Variants in MAGI2 observed in about 807,000 individuals in gnomAD.
MAGI2 encodes membrane-associated guanylate kinase, WW and PDZ domain-containing protein 2.
A neutral mutation model predicts 133.3 loss-of-function variants in MAGI2; 35 were observed. The observed-to-expected ratio is 0.26, with a 90% CI of 0.20 to 0.35. The LOEUF (loss-of-function observed/expected upper bound fraction) is 0.35. Ranked by LOEUF, MAGI2 falls within the 10% of genes least tolerant of loss-of-function variation. The probability of loss-of-function intolerance (pLI) is 1.00; values close to 1 mark genes in which losing one functional copy is unlikely to be tolerated. For synonymous variants in MAGI2, 729 were observed against 710.6 expected, an observed-to-expected ratio of 1.03 and a Z score of -0.41; for missense variants, 1,636 against 1,863.4, an observed-to-expected ratio of 0.88 and a Z score of 2.25.
At chr7:79,441,698 T>C (rs975884939) in intron 1 of MAGI2, among the ~76,000 whole-genome samples, 6 of 152,116 alleles carry the variant, frequency 3.9e-5, no homozygotes, top group African/African-American at 1.4e-4. Context: ...CTTCACTTTA[T>C]GGCAAAAACT....
rs147578054 is a variant in MAGI2, at chr7:79,343,906, A to T, written c.301+109114T>A. On this transcript the variant is annotated intron_variant, in intron 1 of 21. Transcript: ENST00000354212. ...TACATCCATCCATGTATCTGTATAC[A>T]AGCTTGTCATGCCCGATTAACTTTA... Among the ~76,000 whole-genome samples, 293 of 152,316 alleles carry T rather than the reference A, an allele frequency of 1.9e-3. 1 individual carries two copies. The highest frequency in any genetic ancestry group is 3.1e-3 in the Non-Finnish European group (213 of 68,012).
intron 21 of MAGI2, among the ~76,000 whole-genome samples, chr7:78,070,414 G>GTGTATATATATATGTGTATATATATA (rs1814463484): frequency 2.1e-5 from 3 of 146,124 alleles, no homozygotes; most frequent in Non-Finnish European, 4.5e-5. Flanking sequence ...CTATGTGTGT[G>GTGTATATATATATGTGTATATATATA]TGTATATATA....
At chr7:78,683,726 C>G (rs1385681696) in intron 2 of MAGI2, among the ~76,000 whole-genome samples, 2 of 152,144 alleles carry the variant, frequency 1.3e-5, no homozygotes, top group Non-Finnish European at 2.9e-5. Context: ...AATTCCATAT[C>G]CTGTCCCTAA....
intron 1 of MAGI2, among the ~76,000 whole-genome samples, chr7:79,336,999 G>GAAA (rs3050603): frequency 0.015 from 2,165 of 148,384 alleles, 28 homozygotes; most frequent in African/African-American, 0.037. Flanking sequence ...TTCTGTCACA[G>GAAA]AAAAAAAAAA....
chr7:78,839,214 T>A (rs1791912468), intron 2 of MAGI2, among the ~76,000 whole-genome samples: 1 of 152,064 alleles, frequency 6.6e-6, no homozygotes, highest in African/African-American at 2.4e-5. Context: ...ATACCCATGA[T>A]TTCTCTAAAC....
intron 3 of MAGI2, among the ~76,000 whole-genome samples, chr7:78,553,455 G>A (rs893436644): frequency 3.3e-5 from 5 of 152,136 alleles, no homozygotes; most frequent in African/African-American, 1.2e-4. Flanking sequence ...AGATAAATAC[G>A]TGATTTGAAA....
rs539294046 is a variant in MAGI2, at chr7:79,181,076, G to C, written c.302-173870C>G. On this transcript the variant is annotated intron_variant, in intron 1 of 21. Coordinates refer to ENST00000354212, the MANE Select transcript of MAGI2 (RefSeq NM_012301.4). ...CAAGCTGCTTTCATGGTCTGGCATT[G>C]AGTATCTGCAGCTTTTCCAGGCACA... Among the ~76,000 whole-genome samples, 37 of 152,038 alleles carry C rather than the reference G, an allele frequency of 2.4e-4. 1 individual carries two copies. In the South Asian group the frequency reaches 7.5e-3, roughly 31 times the overall value.
At chr7:78,946,923 C>G (rs908986364) in intron 2 of MAGI2, 1 of 152,056 alleles carries the variant, frequency 6.6e-6, no homozygotes, top group African/African-American at 2.4e-5. Context: ...GAAAACACAT[C>G]GTCCAGATTT....
intron 1 of MAGI2, among the ~76,000 whole-genome samples, chr7:79,383,459 A>G (rs1392753731): frequency 6.6e-6 from 1 of 151,628 alleles, no homozygotes; most frequent in African/African-American, 2.4e-5. Context: ...ACCTAGTCAT[A>G]TGGATAAGGA....
intron 1 of MAGI2, among the ~76,000 whole-genome samples, chr7:79,273,151 T>C (rs887638817): frequency 1.3e-5 from 2 of 152,124 alleles, no homozygotes; most frequent in African/African-American, 2.4e-5. Flanking sequence ...AAATTAGTCA[T>C]ACCAAGATAA....
rs1203030720 is a variant in MAGI2 at position 78,556,071 on chromosome 7, ATGCCCTATATT to A, written c.539-34437_539-34427del. Among the ~76,000 whole-genome samples the A allele has an allele frequency of 5.3e-5, 8 of 152,198 alleles. No individual in the cohort carries two copies. In the East Asian group the frequency reaches 1.5e-3, roughly 29 times the overall value. On this transcript the variant is annotated intron_variant, in intron 3 of 21. Transcript: ENST00000354212. ...ATATCTGGAAAGCTCTTCAATCATAATGCCCTATATTTGCTTACCAGTTTATATTTTTCCAA... is the reference window on the plus strand; with the variant it reads ...ATATCTGGAAAGCTCTTCAATCATAATGCTTACCAGTTTATATTTTTCCAA...
intron 21 of MAGI2, among the ~76,000 whole-genome samples, chr7:78,061,552 G>A (rs1813276786): frequency 6.6e-6 from 1 of 152,110 alleles, no homozygotes; most frequent in South Asian, 2.1e-4. Context: ...TATTTTGGGA[G>A]GGAAGGTCAT....
intron 6 of MAGI2, among the ~76,000 whole-genome samples, chr7:78,393,118 C>A (rs1333303561): frequency 6.6e-6 from 1 of 152,136 alleles, no homozygotes; most frequent in East Asian, 1.9e-4. Context: ...GTGTGTTACA[C>A]TGGGGTTTGA....
At chr7:79,157,514 C>G (rs113854386) in intron 1 of MAGI2, among the ~76,000 whole-genome samples, 2,398 of 150,664 alleles carry the variant, frequency 0.016, 69 homozygotes, top group African/African-American at 0.055. Flanking sequence ...ACACATTGAT[C>G]CACCAGACAA....
At chr7:78,056,104 A>G (rs1812537519) in intron 21 of MAGI2, among the ~76,000 whole-genome samples, 1 of 152,030 alleles carries the variant, frequency 6.6e-6, no homozygotes. Context: ...CCTGGCAACC[A>G]CGTTCTATGT....
intron 1 of MAGI2, among the ~76,000 whole-genome samples, chr7:79,211,686 AT>A (rs908201692): frequency 6.6e-6 from 1 of 151,892 alleles, no homozygotes; most frequent in Non-Finnish European, 1.5e-5. Context: ...TTTTCCCAAG[AT>A]TACTGCAGTT....
chr7:78,701,812 G>A (rs1445316898), intron 2 of MAGI2, among the ~76,000 whole-genome samples: 3 of 151,898 alleles, frequency 2.0e-5, no homozygotes, highest in Admixed American at 1.3e-4. Flanking sequence ...TTATAATCAC[G>A]TTTTCACTTT....
chr7:78,045,114 C>T (rs1455975222), intron 21 of MAGI2, among the ~76,000 whole-genome samples: 3 of 152,064 alleles, frequency 2.0e-5, no homozygotes, highest in Admixed American at 6.6e-5. Context: ...TTGCAGTGAG[C>T]CGAGATCGCA....
intron 9 of MAGI2, among the ~76,000 whole-genome samples, chr7:78,303,556 C>T (rs557232043): frequency 6.6e-6 from 1 of 151,998 alleles, no homozygotes; most frequent in African/African-American, 2.4e-5. Flanking sequence ...CTTTAACAAC[C>T]TTTTTCTCCA....
Sources: allele counts gnomAD v4.1 joint callset (sites outside exome capture counted in the v4.1 genomes callset), GRCh38; gene constraint gnomAD v4.1.1; transcripts MANE v1.5; gene names NCBI Gene and HGNC (gene_info 2026-07-23, HGNC 2026-07-21).